LPP: variants seen among roughly 807,000 people sequenced by gnomAD.
LPP encodes LIM domain containing preferred translocation partner in lipoma, also known as lipoma-preferred partner.
A neutral mutation model predicts 60.4 loss-of-function variants in LPP; 38 were observed. The ratio of observed to expected loss-of-function variants is 0.63; its 90% CI spans 0.49 to 0.83. The LOEUF (loss-of-function observed/expected upper bound fraction) is 0.83, where lower values mean the gene tolerates loss of function less well. Ranked by LOEUF, LPP falls within the 40% of genes least tolerant of loss-of-function variation. LPP has a pLI of 0.00. For synonymous variants in LPP, 328 were observed against 290.8 expected (o/e 1.13, Z -1.30); for missense variants, 902 against 783.6 (o/e 1.15, Z -1.80).
intron 2 of LPP, among the ~76,000 whole-genome samples, chr3:188,228,275 G>A (rs1182537932): frequency 6.6e-6 from 1 of 152,230 alleles, no homozygotes; most frequent in Non-Finnish European, 1.5e-5. Flanking sequence ...GACAGGGACA[G>A]CATTGCTTGT....
chr3:188,827,234 T>A (rs1394986490), intron 9 of LPP, among the ~76,000 whole-genome samples: 3 of 152,152 alleles, frequency 2.0e-5, no homozygotes, highest in Non-Finnish European at 4.4e-5. Flanking sequence ...AGTGAGTGAT[T>A]AATAGACCTA....
In LPP at chr3:188,864,240, A is replaced by G. The variant is rs62289876; in HGVS notation, c.1411-1960A>G. On this transcript the variant is annotated intron_variant, in intron 9 of 11. Transcript: ENST00000617246. ...CCTCAGGCAACCACAGCTTTGAGGG[A>G]AGGATGATGATGGATTTACCAATTC... Among the ~76,000 whole-genome samples, 640 of 152,324 alleles carry G rather than the reference A, an allele frequency of 4.2e-3. 2 individuals are homozygous for G. The highest frequency in any genetic ancestry group is 6.7e-3 in the Non-Finnish European group (456 of 68,012).
chr3:188,511,812 C>T (rs968565958), intron 5 of LPP, among the ~76,000 whole-genome samples: 9 of 152,092 alleles, frequency 5.9e-5, no homozygotes, highest in Admixed American at 1.3e-4. Flanking sequence ...TGATAATGGC[C>T]GTACAGAGGG....
intron 3 of LPP, among the ~76,000 whole-genome samples, chr3:188,344,928 G>A (rs1368930174): frequency 6.6e-6 from 1 of 152,162 alleles, no homozygotes; most frequent in African/African-American, 2.4e-5. Context: ...TTAGGAAGAG[G>A]TGGATGCTTC....
At chr3:188,848,979 G>T (rs28608123) in intron 9 of LPP, among the ~76,000 whole-genome samples, 1 of 147,102 alleles carries the variant, frequency 6.8e-6, no homozygotes, top group Non-Finnish European at 1.5e-5. Flanking sequence ...AAAAAAAAAA[G>T]AAAATAGGTT....
intron 9 of LPP, among the ~76,000 whole-genome samples, chr3:188,817,023 T>A (rs947741782): frequency 6.6e-6 from 1 of 152,212 alleles, no homozygotes; most frequent in Non-Finnish European, 1.5e-5. Flanking sequence ...CCTTTTTGAT[T>A]GTTGCATGGA....
In LPP at chr3:188,609,161, A is replaced by T. The variant is rs1456741032; in HGVS notation, c.430A>T (p.Ser144Cys). 2 of 1,578,032 alleles carry T rather than the reference A, an allele frequency of 1.3e-6. No homozygotes were observed. The highest frequency in any genetic ancestry group is 1.7e-6 in the Non-Finnish European group (2 of 1,161,236). Residue 144 changes from serine (S) to cysteine (C), a missense_variant and splice_region_variant, in exon 7 of 12, where the codon AGC becomes TGC. Physicochemically the swap from Ser to Cys is moderately radical, Grantham distance 112. Transcript: ENST00000617246. The surrounding 1 kb of genome is among the most constrained non-coding windows in gnomAD (Gnocchi z 6.9). The stretch of plus-strand genomic sequence containing the variant: ...TTCTTTTTTTTCCTATTCTTTTTAG[A>T]GCTCCACTGGTTCAACAGCCTCTCC... ...SSPYKPRPPQ[S>C]STGSTASPPV...
chr3:188,189,594 C>T (rs1727569227), intron 1 of LPP, among the ~76,000 whole-genome samples: 1 of 152,146 alleles, frequency 6.6e-6, no homozygotes, highest in Non-Finnish European at 1.5e-5. Flanking sequence ...GCTTTGTAAA[C>T]CCTTCTGTTC....
intron 4 of LPP, among the ~76,000 whole-genome samples, chr3:188,407,898 C>T (rs936019536): frequency 6.9e-6 from 1 of 145,634 alleles, no homozygotes. Context: ...TCAAGTGATT[C>T]TCAGCCTCAG....
chr3:188,240,059 C>T (rs1025253231), intron 2 of LPP: 4 of 197,730 alleles, frequency 2.0e-5, no homozygotes, highest in Admixed American at 6.0e-5. Context: ...GCACCTAGAT[C>T]TCTGGTATTG....
intron 9 of LPP, among the ~76,000 whole-genome samples, chr3:188,858,947 G>A (rs893326658): frequency 2.6e-5 from 4 of 151,842 alleles, no homozygotes; most frequent in South Asian, 2.1e-4. Flanking sequence ...AAATTAGCTG[G>A]GTGTGGTGGT....
intron 8 of LPP, 102 bp downstream of exon 8, chr3:188,708,495 T>C (rs532892160): frequency 6.7e-7 from 1 of 1,496,562 alleles, no homozygotes; most frequent in East Asian, 2.3e-5. Flanking sequence ...AGTATTTGAG[T>C]CCAGATGCAT....
intron 1 of LPP, among the ~76,000 whole-genome samples, chr3:188,211,580 C>G (rs1560114408): frequency 6.6e-6 from 1 of 152,128 alleles, no homozygotes; most frequent in Non-Finnish European, 1.5e-5. Flanking sequence ...AGATTCATTC[C>G]TGATTGGCTT....
At chr3:188,833,025 A>G (rs537107775) in intron 9 of LPP, among the ~76,000 whole-genome samples, 1 of 152,338 alleles carries the variant, frequency 6.6e-6, no homozygotes, top group Admixed American at 6.5e-5. Context: ...AAATAACTTA[A>G]TGAGCCCTGC....
chr3:188,577,656 A>T (rs75554010), intron 6 of LPP, among the ~76,000 whole-genome samples: 1 of 151,660 alleles, frequency 6.6e-6, no homozygotes, highest in African/African-American at 2.4e-5. Context: ...ATATCTACAA[A>T]GGCAAATTAA....
intron 8 of LPP, among the ~76,000 whole-genome samples, chr3:188,727,876 C>T (rs540101223): frequency 6.2e-4 from 94 of 152,268 alleles, no homozygotes; most frequent in African/African-American, 2.2e-3. Context: ...TCTTTTTGCT[C>T]AGCAAATACC....
At chr3:188,653,778 C>G (rs4580539) in intron 7 of LPP, among the ~76,000 whole-genome samples, 141,874 of 152,238 alleles carry the variant, frequency 0.93, 66,702 homozygotes, top group East Asian at 1. Context: ...ATCTTTTTAT[C>G]TCTTTGTTTA....
At chr3:188,769,294 T>TG (rs1157950112) in intron 9 of LPP, among the ~76,000 whole-genome samples, 2 of 152,144 alleles carry the variant, frequency 1.3e-5, no homozygotes, top group Non-Finnish European at 2.9e-5. Flanking sequence ...ATGTTTTCAG[T>TG]GGGGGAATGA....
chr3:188,377,008 T>G (rs1027518712), intron 3 of LPP, among the ~76,000 whole-genome samples: 5 of 152,226 alleles, frequency 3.3e-5, no homozygotes, highest in East Asian at 3.8e-4. Context: ...GAAAATTCTT[T>G]TCTTTAAGAA....
Sources: allele counts gnomAD v4.1 joint callset (sites outside exome capture counted in the v4.1 genomes callset), GRCh38; gene constraint gnomAD v4.1.1; non-coding constraint Gnocchi (gnomAD v3.1); transcripts MANE v1.5; gene names NCBI Gene and HGNC (gene_info 2026-07-23, HGNC 2026-07-21).